The following QRICH2 variants were observed in gnomAD, a reference collection of about 807,000 sequenced individuals.
QRICH2 encodes glutamine rich 2, also known as glutamine-rich protein 2.
A neutral mutation model predicts 168.3 loss-of-function variants in QRICH2; 119 were observed. That is an observed-to-expected ratio of 0.71 (90% CI 0.61 to 0.82). The LOEUF (loss-of-function observed/expected upper bound fraction) is 0.82. QRICH2 is among the 40% of genes least tolerant of loss of function. The pLI, the probability that QRICH2 is intolerant of heterozygous loss-of-function variation, is 0.00. For missense variants in QRICH2, 2,241 were observed against 2,491.6 expected, an observed-to-expected ratio of 0.90 and a Z score of 2.14; for synonymous variants, 894 against 951.2, an observed-to-expected ratio of 0.94 and a Z score of 1.11.
rs1244588706 is a variant in QRICH2, at chr17:76,298,181, A to ATTTTT, written c.706-4165_706-4161dup. On this transcript the variant is annotated intron_variant, in intron 3 of 18. Coordinates refer to ENST00000680821, the MANE Select transcript of QRICH2 (RefSeq NM_001388453.1). ...GCCACGCTGCCTGGCTTTCTGGCTA[A>ATTTTT]TTTTTTTTTTTTTTTTTTTTGAGAC... is the stretch of plus-strand genomic sequence containing the variant. Among the ~76,000 whole-genome samples, 605 of 84,232 alleles carry ATTTTT rather than the reference A, an allele frequency of 7.2e-3. 61 individuals are homozygous for ATTTTT. Among genetic ancestry groups the ATTTTT allele is most frequent in the African/African-American group, 0.031 (569 of 18,534 alleles). 55.3% of individuals were successfully genotyped at this position (84,232 alleles called of 152,430 possible). A position where few individuals can be genotyped will look rare whatever the true frequency, so the allele number is the denominator to read the frequency against.
intron 15 of QRICH2, among the ~76,000 whole-genome samples, chr17:76,277,533 C>A (rs921540505): frequency 1.3e-5 from 2 of 152,042 alleles, no homozygotes; most frequent in African/African-American, 4.8e-5. Context: ...CACACACACA[C>A]CCACACACTC....
chr17:76,307,017 C>A lies in QRICH2; in HGVS notation c.534+448G>T, dbSNP rs531815783. On this transcript the variant is annotated intron_variant, in intron 1 of 18. Coordinates refer to ENST00000680821, the MANE Select transcript of QRICH2 (RefSeq NM_001388453.1). This position sits in a 1 kb window ranked among gnomAD's most constrained non-coding sequence, Gnocchi z 5.3. ...GAGCCTTTGTCCTCAACACGTATCT[C>A]TTCATGTCCTTATTCATTTTAAAAA... 5.6e-4 allele frequency among the ~76,000 whole-genome samples: 85 copies of A among 152,252 alleles called. No homozygotes were observed. Among genetic ancestry groups the A allele is most frequent in the African/African-American group, 1.8e-3 (75 of 41,544 alleles).
In QRICH2 at chr17:76,280,044, A is replaced by G. The variant is rs2070757623; in HGVS notation, c.4737T>C (p.Ala1579=). ...CTCCCAGGCCTCACCTCCGCATGGCAGCCGCCTCGTCTGCCTGGTAGAGTG... is the reference window on the plus strand; with the variant it reads ...CTCCCAGGCCTCACCTCCGCATGGCGGCCGCCTCGTCTGCCTGGTAGAGTG... ...RPPLYQADEA[A]AMRRQLLAHF... The change falls in exon 12 of 19, where the codon GCT becomes GCC. Residue 1579 remains alanine (A), a synonymous_variant. Transcript: ENST00000680821. The surrounding 1 kb of genome is among the most constrained non-coding windows in gnomAD (Gnocchi z 7.4). 5 of 1,611,362 alleles carry G rather than the reference A, an allele frequency of 3.1e-6. No homozygotes were observed. Among genetic ancestry groups the G allele is most frequent in the Non-Finnish European group, 4.2e-6 (5 of 1,178,910 alleles).
At chr17:76,310,598 C>G (rs1182938824), upstream of QRICH2, 1 of 151,670 alleles carries the variant, frequency 6.6e-6, no homozygotes, top group East Asian at 1.9e-4. Flanking sequence ...CCCAAGGTAG[C>G]TGGAACTACA....
chr17:76,287,084 ACAC>A (rs1164848191), intron 7 of QRICH2, 105 bp downstream of exon 7: 2 of 335,130 alleles, frequency 6.0e-6, no homozygotes, highest in Non-Finnish European at 9.9e-6. Flanking sequence ...ACACACACAC[ACAC>A]ATGATGGGAG....
chr17:76,304,375 G>A lies in QRICH2; in HGVS notation c.705+40C>T, dbSNP rs1168159218. 10 of 1,351,888 alleles carry A rather than the reference G, an allele frequency of 7.4e-6. No individual in the cohort carries two copies. The Admixed American group carries it at 1.7e-4, about 23-fold the overall frequency. The allele number at this position is 1,351,888 out of a possible 1,614,324, so 83.7% of individuals were successfully genotyped here. A position where few individuals can be genotyped will look rare whatever the true frequency, so the allele number is the denominator to read the frequency against. On this transcript the variant is annotated intron_variant, in intron 3 of 18. Transcript: ENST00000680821. ...TGTACAAAGCGAGAAGTTCTGGGGAGCCCCACCCAAGACCACGGCCCAGGC... is the reference window on the plus strand; with the variant it reads ...TGTACAAAGCGAGAAGTTCTGGGGAACCCCACCCAAGACCACGGCCCAGGC...
chr17:76,298,290 T>C (rs942923906), intron 3 of QRICH2, among the ~76,000 whole-genome samples: 2 of 150,074 alleles, frequency 1.3e-5, no homozygotes, highest in African/African-American at 4.9e-5. Flanking sequence ...GCCATTCTCC[T>C]GCCTCAGCCT....
At chr17:76,286,174 C>CA (rs59117152) in intron 7 of QRICH2, among the ~76,000 whole-genome samples, 54,010 of 144,434 alleles carry the variant, frequency 0.37, 10,635 homozygotes, top group East Asian at 0.58. Flanking sequence ...GACTCCGTCT[C>CA]AAAAAAAAAA....
chr17:76,290,110 G>T (rs745393905), intron 4 of QRICH2, 33 bp from the exon 5 acceptor site: 19 of 1,527,430 alleles, frequency 1.2e-5, no homozygotes, highest in Non-Finnish European at 1.4e-5. Flanking sequence ...GATCAGAGGG[G>T]TTAGATCTCT....
intron 3 of QRICH2, among the ~76,000 whole-genome samples, chr17:76,301,737 CTG>C (rs2070904678): frequency 1.7e-5 from 2 of 116,808 alleles, no homozygotes; most frequent in African/African-American, 7.3e-5. Flanking sequence ...GGGTCTCACT[CTG>C]TCACCCAGGT....
chr17:76,276,588 T>C (rs1366504359), intron 17 of QRICH2, 92 bp downstream of exon 17: 7 of 855,476 alleles, frequency 8.2e-6, no homozygotes, highest in Non-Finnish European at 1.3e-5. Context: ...ACACCCAGGG[T>C]CTAGTGGCCC....
chr17:76,279,087 G>T lies in QRICH2; in HGVS notation c.4870C>A (p.Pro1624Thr). ...TGCTCCAGTTCAAACACCGTGTAGGGGCGGATGGAATGGTGCCCAGGTAGG... is the reference window on the plus strand; with the variant it reads ...TGCTCCAGTTCAAACACCGTGTAGGTGCGGATGGAATGGTGCCCAGGTAGG... ...PGLPGHHSIR[P>T]YTVFELEQVR... The change falls in exon 14 of 19, where the codon CCC becomes ACC. Residue 1624 changes from proline (P) to threonine (T), a missense_variant. Physicochemically the swap from Pro to Thr is conservative, Grantham distance 38 (BLOSUM62 -1). Transcript: ENST00000680821. The T allele has an allele frequency of 1.2e-6, 2 of 1,613,964 alleles. No homozygotes were observed. The highest frequency in any genetic ancestry group is 1.7e-5 in the Admixed American group (1 of 60,020).
chr17:76,310,128 T>C (rs563143945), upstream of QRICH2: 1 of 152,084 alleles, frequency 6.6e-6, no homozygotes, highest in South Asian at 2.1e-4. Context: ...TAGCTGGGAT[T>C]ACAGGCGTGC....
In QRICH2 at chr17:76,280,430, C is replaced by T; in HGVS notation, c.4483G>A (p.Ala1495Thr). 6.2e-7 allele frequency: 1 copy of T among 1,614,056 alleles called. No individual in the cohort carries two copies. Among genetic ancestry groups the T allele is most frequent in the Non-Finnish European group, 8.5e-7 (1 of 1,179,970 alleles). Residue 1495 changes from alanine to threonine, a missense_variant, in exon 11 of 19, where the codon GCC becomes ACC. Physicochemically the swap from Ala to Thr is moderately conservative, Grantham distance 58 (BLOSUM62 0). Coordinates refer to ENST00000680821, the MANE Select transcript of QRICH2 (RefSeq NM_001388453.1). This position sits in a 1 kb window ranked among gnomAD's most constrained non-coding sequence, Gnocchi z 7.4. ...AACTGGACACGGCTCACTTTGGTGG[C>T]CAGAGCACTCTTGTCGGCTTTCTGC... ...IDVKADKSAL[A>T]TKVSRVQFDA...
intron 7 of QRICH2, 92 bp downstream of exon 7, chr17:76,287,100 A>C: frequency 1.3e-5 from 8 of 608,082 alleles, no homozygotes; most frequent in Middle Eastern, 3.0e-4. Context: ...GATGGGAGGG[A>C]CCTAGTTTTT....
In QRICH2 at chr17:76,285,041, G is replaced by A. The variant is rs550962127; in HGVS notation, c.4011+2151C>T. On this transcript the variant is annotated intron_variant, in intron 7 of 18. Transcript: ENST00000680821. ...GCGATCATGGCTCACTGCAACCTCC[G>A]CCTCCCAGGTTCAAGTGATTCTCCT... Among the ~76,000 whole-genome samples the A allele has an allele frequency of 4.0e-5, 6 of 150,128 alleles. No homozygotes were observed. In the East Asian group the frequency reaches 1.0e-3, roughly 25 times the overall value.
rs144710718 is a variant in QRICH2, at chr17:76,291,491, G to A, written c.3236C>T (p.Ala1079Val). 10 of 1,614,048 alleles carry A rather than the reference G, an allele frequency of 6.2e-6. No individual in the cohort carries two copies. In the South Asian group the frequency reaches 9.9e-5, roughly 16 times the overall value. The change falls in exon 4 of 19, where the codon GCA becomes GTA. Residue 1079 changes from alanine (A) to valine (V), a missense_variant. By Grantham distance (64) the Ala-to-Val change is moderately conservative. This residue lies in a region of QRICH2 where 2,047 missense variants were observed against 2,303.8 expected (regional missense o/e 0.89). Coordinates refer to ENST00000680821, the MANE Select transcript of QRICH2 (RefSeq NM_001388453.1). ...GTCATGCTCACCTGGGCCAGGTGAT[G>A]CCACATGCTGTTGATCTGGGTGTGT... Reference protein sequence around the residue: ...GSTHPDQQHVASPGPGEHDQV... With the variant: ...GSTHPDQQHVVSPGPGEHDQV...
chr17:76,302,465 G>A (rs914747243), intron 3 of QRICH2, among the ~76,000 whole-genome samples: 8 of 152,284 alleles, frequency 5.3e-5, no homozygotes, highest in Admixed American at 3.3e-4. Context: ...ATTACCTTAC[G>A]TGGTAAAAGG....
rs774821633 is a variant in QRICH2 at position 76,277,846 on chromosome 17, C to T, written c.5117+143G>A. 368 of 842,874 alleles carry T rather than the reference C, an allele frequency of 4.4e-4. 2 individuals are homozygous for T. Among genetic ancestry groups the T allele is most frequent in the Non-Finnish European group, 4.7e-4 (251 of 532,646 alleles). 52.2% of individuals were successfully genotyped at this position (842,874 alleles called of 1,614,324 possible). ...ACACACATCACACACACTAACACCCCTCGCCCACACTTTCTCTCACACACA... is the reference window on the plus strand; with the variant it reads ...ACACACATCACACACACTAACACCCTTCGCCCACACTTTCTCTCACACACA... On this transcript the variant is annotated intron_variant, in intron 15 of 18. Transcript: ENST00000680821.
Sources: allele counts gnomAD v4.1 joint callset (sites outside exome capture counted in the v4.1 genomes callset), GRCh38; gene constraint gnomAD v4.1.1; regional missense constraint gnomAD v4.1.1; non-coding constraint Gnocchi (gnomAD v3.1); transcripts MANE v1.5; gene names NCBI Gene and HGNC (gene_info 2026-07-23, HGNC 2026-07-21).